Variants in GNB4 observed in about 807,000 individuals in gnomAD.
GNB4 encodes the protein guanine nucleotide-binding protein subunit beta-4.
In GNB4, 28 loss-of-function variants were observed where a neutral mutation model predicts 45.2. That is an observed-to-expected ratio of 0.62 (90% CI 0.46 to 0.85). GNB4 has a LOEUF of 0.85. Among genes scored for constraint, GNB4 ranks in the 40% least tolerant of loss-of-function variants. The pLI is 0.00. For synonymous variants in GNB4, 132 were observed against 143.7 expected, an observed-to-expected ratio of 0.92 and a Z score of 0.58; for missense variants, 321 against 425.4, an observed-to-expected ratio of 0.75 and a Z score of 2.16.
At chr3:179,441,143 T>C (rs1031454709) in intron 1 of GNB4, among the ~76,000 whole-genome samples, 6 of 152,128 alleles carry the variant, frequency 3.9e-5, no homozygotes, top group African/African-American at 1.4e-4. Flanking sequence ...ACCCACCCCA[T>C]CAGAAACATT....
chr3:179,486,220 CAAA>C, the GNB4 span, among the ~76,000 whole-genome samples: 3 of 123,854 alleles, frequency 2.4e-5, no homozygotes. Flanking sequence ...GACTCTGTCT[CAAA>C]AAAAAAAAAA....
chr3:179,488,480 C>T, the GNB4 span, among the ~76,000 whole-genome samples: 3 of 152,224 alleles, frequency 2.0e-5, no homozygotes, highest in African/African-American at 7.2e-5. Flanking sequence ...TACCTGCTTC[C>T]AGCTTCAACC....
At chr3:179,407,777 G>GAC (rs1714516236) in intron 8 of GNB4, among the ~76,000 whole-genome samples, 1 of 151,846 alleles carries the variant, frequency 6.6e-6, no homozygotes, top group Non-Finnish European at 1.5e-5. Context: ...AGCTGCAAAA[G>GAC]ACACCCAAAA....
At chr3:179,422,196 T>C (rs1577032381) in intron 2 of GNB4, among the ~76,000 whole-genome samples, 1 of 151,128 alleles carries the variant, frequency 6.6e-6, no homozygotes, top group African/African-American at 2.4e-5. Context: ...TGAAAATTGG[T>C]AACAAAAATT....
At chr3:179,461,363 A>G in the GNB4 span, among the ~76,000 whole-genome samples, 3 of 152,108 alleles carry the variant, frequency 2.0e-5, no homozygotes, top group Admixed American at 6.5e-5. Flanking sequence ...CAGGTGTGGT[A>G]GCGGGCACTT....
chr3:179,501,298 A>ATTTT, the GNB4 span, among the ~76,000 whole-genome samples: 1 of 131,216 alleles, frequency 7.6e-6, no homozygotes, highest in Non-Finnish European at 1.6e-5. Flanking sequence ...AATTGCCTAC[A>ATTTT]TTTTTTTTTT....
intron 8 of GNB4, among the ~76,000 whole-genome samples, chr3:179,408,622 C>G (rs373598874): frequency 1.3e-5 from 2 of 151,846 alleles, no homozygotes; most frequent in East Asian, 3.9e-4. Flanking sequence ...AAAACCCCGC[C>G]TCTACTAAAA....
chr3:179,464,879 G>A, the GNB4 span: 69 of 1,410,076 alleles, frequency 4.9e-5, no homozygotes, highest in Non-Finnish European at 6.3e-5. Flanking sequence ...TACCCCATGC[G>A]GTGTGTGGGA....
the GNB4 span, among the ~76,000 whole-genome samples, chr3:179,488,763 G>T: frequency 3.3e-5 from 5 of 151,370 alleles, no homozygotes; most frequent in South Asian, 1.0e-3. Flanking sequence ...GGGCCAGATC[G>T]CTTGAGCTCA....
rs889602993 is a variant in GNB4, at chr3:179,397,335, T to C, written c.*3878A>G. On this transcript the variant is annotated 3_prime_UTR_variant, in exon 10 of 10. Coordinates refer to ENST00000232564, the MANE Select transcript of GNB4 (RefSeq NM_021629.4). Reference sequence around the variant, plus strand: ...CCAAAAGTATTAGAGGAGCTAGTTATACAATATTGGCACAGCATTTTTAAG... The same window carrying C: ...CCAAAAGTATTAGAGGAGCTAGTTACACAATATTGGCACAGCATTTTTAAG... 1.4e-4 allele frequency: 21 copies of C among 152,264 alleles called. No homozygotes were observed. The highest frequency in any genetic ancestry group is 5.1e-4 in the African/African-American group (21 of 41,470). The allele number at this position is 152,264 out of a possible 1,614,324, so 9.4% of individuals were successfully genotyped here. A position where few individuals can be genotyped will look rare whatever the true frequency, so the allele number is the denominator to read the frequency against.
At chr3:179,486,977 G>A in the GNB4 span, among the ~76,000 whole-genome samples, 1 of 152,182 alleles carries the variant, frequency 6.6e-6, no homozygotes, top group Non-Finnish European at 1.5e-5. Flanking sequence ...AACCAAGCTG[G>A]AGAAATTGGG....
the GNB4 span, among the ~76,000 whole-genome samples, chr3:179,517,983 C>T: frequency 2.6e-5 from 4 of 151,806 alleles, no homozygotes; most frequent in Non-Finnish European, 5.9e-5. Context: ...CCCTTCTCTC[C>T]GTGTCTCTAC....
chr3:179,502,228 CTTTTTTTTT>C, the GNB4 span, among the ~76,000 whole-genome samples: 4 of 73,464 alleles, frequency 5.4e-5, no homozygotes, highest in African/African-American at 2.1e-4. Context: ...TTTTTCTTTT[CTTTTTTTTT>C]TTTTTTTTTT....
the GNB4 span, among the ~76,000 whole-genome samples, chr3:179,498,179 G>A: frequency 6.6e-6 from 1 of 152,182 alleles, no homozygotes; most frequent in Non-Finnish European, 1.5e-5. Flanking sequence ...AAGAAAATGT[G>A]ACATTCATAT....
At chr3:179,489,777 A>G in the GNB4 span, among the ~76,000 whole-genome samples, 1 of 152,258 alleles carries the variant, frequency 6.6e-6, no homozygotes, top group Non-Finnish European at 1.5e-5. Context: ...ATTGTCATAC[A>G]TGATATGATT....
chr3:179,454,243 T>C (rs1307131782), upstream of GNB4, among the ~76,000 whole-genome samples: 2 of 152,142 alleles, frequency 1.3e-5, no homozygotes, highest in Non-Finnish European at 2.9e-5. Flanking sequence ...CATAGTGGGG[T>C]CCCTACTAGA....
intron 1 of GNB4, among the ~76,000 whole-genome samples, chr3:179,438,960 G>A (rs1169333695): frequency 6.6e-6 from 1 of 152,178 alleles, no homozygotes; most frequent in Non-Finnish European, 1.5e-5. Flanking sequence ...TGTAAGGGCG[G>A]AACCAGGGTT....
intron 1 of GNB4, among the ~76,000 whole-genome samples, chr3:179,447,843 T>C (rs1236514826): frequency 6.6e-6 from 1 of 152,242 alleles, no homozygotes; most frequent in African/African-American, 2.4e-5. Context: ...TTAGAATTTT[T>C]AGCCTCAGCA....
the GNB4 span, chr3:179,464,850 A>G: frequency 1.9e-5 from 25 of 1,345,402 alleles, no homozygotes; most frequent in Non-Finnish European, 2.6e-5. Context: ...TGTTTGGACC[A>G]GTATTCCATG....
Sources: gnomAD v4.1 joint callset for allele counts (sites outside exome capture counted in the v4.1 genomes callset) on GRCh38, gnomAD v4.1.1 for gene constraint, MANE v1.5 for transcripts, NCBI Gene and HGNC (gene_info 2026-07-23, HGNC 2026-07-21) for gene names.